GNG7: variants seen among roughly 807,000 people sequenced by gnomAD.
GNG7 encodes the protein guanine nucleotide-binding protein G(I)/G(S)/G(O) subunit gamma-7.
GNG7 carries 1 observed loss-of-function variant against 4.0 expected under a neutral mutation model. The ratio of observed to expected loss-of-function variants is 0.25; its 90% CI spans 0.09 to 1.18. GNG7 has a LOEUF of 1.18. Among genes scored for constraint, GNG7 ranks in the 50% most tolerant of loss-of-function variants. The probability of loss-of-function intolerance (pLI) is 0.50; values close to 1 mark genes in which losing one functional copy is unlikely to be tolerated. For synonymous variants in GNG7, 34 were observed against 36.9 expected, an observed-to-expected ratio of 0.92 and a Z score of 0.29; for missense variants, 86 against 91.9, an observed-to-expected ratio of 0.94 and a Z score of 0.26.
intron 1 of GNG7, among the ~76,000 whole-genome samples, chr19:2,691,172 C>T (rs965197558): frequency 6.6e-6 from 1 of 152,072 alleles, no homozygotes; most frequent in Non-Finnish European, 1.5e-5. Context: ...CCTAAAATAG[C>T]TCTAAAAAAA....
chr19:2,637,725 G>A (rs1336160724), intron 2 of GNG7, among the ~76,000 whole-genome samples: 2 of 152,316 alleles, frequency 1.3e-5, no homozygotes, highest in East Asian at 1.9e-4. Flanking sequence ...GGGTGGGGCC[G>A]TCCTGGGCAC....
chr19:2,566,351 A>T (rs1979908691), intron 2 of GNG7, among the ~76,000 whole-genome samples: 1 of 151,908 alleles, frequency 6.6e-6, no homozygotes, highest in African/African-American at 2.4e-5. Flanking sequence ...CCTGGGATGG[A>T]TTCTCCCCAC....
chr19:2,585,487 G>GTATTTGAC (rs897836566), intron 2 of GNG7, among the ~76,000 whole-genome samples: 5 of 152,132 alleles, frequency 3.3e-5, no homozygotes, highest in African/African-American at 1.2e-4. Flanking sequence ...GCATATTTGA[G>GTATTTGAC]TATAAAGAGT....
At chr19:2,554,443 A>G (rs1315831101) in intron 3 of GNG7, among the ~76,000 whole-genome samples, 2 of 150,218 alleles carry the variant, frequency 1.3e-5, no homozygotes, top group Non-Finnish European at 3.0e-5. Context: ...TCCTGGGTTC[A>G]AGCAATCCTC....
rs540162966 is a variant in GNG7 at position 2,557,201 on chromosome 19, T to A, written c.-77-2013A>T. Among the ~76,000 whole-genome samples, 1 of 147,158 alleles carries A rather than the reference T, an allele frequency of 6.8e-6. No individual in the cohort carries two copies. Among genetic ancestry groups the A allele is most frequent in the South Asian group, 2.2e-4 (1 of 4,624 alleles). ...ACACACAAGACACGTGCACACACAT[T>A]TGCATGCACACACAGACACACATGC... On this transcript the variant is annotated intron_variant, in intron 2 of 4. Transcript: ENST00000382159. This position sits in a 1 kb window ranked among gnomAD's most constrained non-coding sequence, Gnocchi z 5.1.
At chr19:2,553,701 A>G (rs962897973) in intron 3 of GNG7, among the ~76,000 whole-genome samples, 5 of 146,312 alleles carry the variant, frequency 3.4e-5, no homozygotes, top group African/African-American at 1.3e-4. Flanking sequence ...ACATGTGCAC[A>G]TTACATATAA....
At chr19:2,595,547 AAC>A in intron 2 of GNG7, among the ~76,000 whole-genome samples, 1 of 152,108 alleles carries the variant, frequency 6.6e-6, no homozygotes, top group Non-Finnish European at 1.5e-5. Context: ...CAGCCTGGGC[AAC>A]ATAGCAAAAC....
Position 2,553,737 on chromosome 19 carries a change from A to G in GNG7, c.-38+1412T>C, listed in dbSNP as rs540207834. Among the ~76,000 whole-genome samples, 37 of 148,988 alleles carry G rather than the reference A, an allele frequency of 2.5e-4. 1 individual carries two copies. The South Asian group carries it at 7.1e-3, about 29-fold the overall frequency. Reference sequence around the variant, plus strand: ...TATATTACATATATGTACATATTACATGCAATATATTACATATATGCACAT... The same window carrying G: ...TATATTACATATATGTACATATTACGTGCAATATATTACATATATGCACAT... On this transcript the variant is annotated intron_variant, in intron 3 of 4. Transcript: ENST00000382159.
At chr19:2,567,165 A>T (rs1032434037) in intron 2 of GNG7, among the ~76,000 whole-genome samples, 1 of 151,836 alleles carries the variant, frequency 6.6e-6, no homozygotes, top group Non-Finnish European at 1.5e-5. Flanking sequence ...CACAAAAACA[A>T]TAACAAAAAA....
intron 2 of GNG7, among the ~76,000 whole-genome samples, chr19:2,638,923 A>G (rs1055689135): frequency 1.3e-5 from 2 of 152,182 alleles, no homozygotes; most frequent in African/African-American, 4.8e-5. Flanking sequence ...AAAACAAAGG[A>G]GATGCTCATG....
intron 2 of GNG7, among the ~76,000 whole-genome samples, chr19:2,623,517 G>A (rs1238339350): frequency 6.6e-6 from 1 of 152,150 alleles, no homozygotes; most frequent in Non-Finnish European, 1.5e-5. Context: ...AAAAGGAAGG[G>A]AATCCCAACA....
At chr19:2,517,397 CTCT>C (rs1972750701) in intron 4 of GNG7, among the ~76,000 whole-genome samples, 1 of 151,702 alleles carries the variant, frequency 6.6e-6, no homozygotes, top group Non-Finnish European at 1.5e-5. Flanking sequence ...CAGAGTCTCA[CTCT>C]GTCAGCCAGG....
In GNG7 at chr19:2,535,802, T is replaced by C. The variant is rs137880011; in HGVS notation, c.-37-15077A>G. ...CTGTTTGTTGCAGACTAAATATTTG[T>C]GTCCTCCTCTGACCCCATCAAGTTC... On this transcript the variant is annotated intron_variant, in intron 3 of 4. Transcript: ENST00000382159. 1.4e-3 allele frequency among the ~76,000 whole-genome samples: 209 copies of C among 152,290 alleles called. 1 individual carries two copies. The highest frequency in any genetic ancestry group is 4.6e-3 in the African/African-American group (193 of 41,562).
intron 2 of GNG7, among the ~76,000 whole-genome samples, chr19:2,563,493 G>C (rs1212939265): frequency 6.6e-6 from 1 of 151,124 alleles, no homozygotes; most frequent in African/African-American, 2.4e-5. Context: ...TTTTGTTTTT[G>C]TTTTGAGATA....
chr19:2,597,797 G>A (rs1216484846), intron 2 of GNG7, among the ~76,000 whole-genome samples: 1 of 150,638 alleles, frequency 6.6e-6, no homozygotes, highest in East Asian at 1.9e-4. Flanking sequence ...TCGGGAGGCT[G>A]AGGCAGGAGA....
At chr19:2,545,945 ACT>A (rs1979109778) in intron 3 of GNG7, among the ~76,000 whole-genome samples, 1 of 151,662 alleles carries the variant, frequency 6.6e-6, no homozygotes, top group Non-Finnish European at 1.5e-5. Context: ...ACGGAGCGAG[ACT>A]CTGCCTCAAA....
At chr19:2,700,586 A>T (rs1374948229) in intron 1 of GNG7, 1 of 152,142 alleles carries the variant, frequency 6.6e-6, no homozygotes, top group East Asian at 1.9e-4. Context: ...AAACCCACCA[A>T]AGAAAAAAAC....
At chr19:2,662,280 A>AG (rs34389468) in intron 1 of GNG7, among the ~76,000 whole-genome samples, 41,368 of 142,808 alleles carry the variant, frequency 0.29, 6,764 homozygotes, top group East Asian at 0.54. Flanking sequence ...AAAAAAAAAA[A>AG]TCAACCCAAG....
At chr19:2,698,520 C>T (rs1413998507) in intron 1 of GNG7, among the ~76,000 whole-genome samples, 1 of 151,678 alleles carries the variant, frequency 6.6e-6, no homozygotes, top group Non-Finnish European at 1.5e-5. Context: ...GCCAAGATTG[C>T]ACCATTGCAC....
Sources: gnomAD v4.1 joint callset for allele counts (sites outside exome capture counted in the v4.1 genomes callset) on GRCh38, gnomAD v4.1.1 for gene constraint, Gnocchi (gnomAD v3.1) non-coding constraint, MANE v1.5 for transcripts, NCBI Gene and HGNC (gene_info 2026-07-23, HGNC 2026-07-21) for gene names.